RALYL: variants seen among roughly 807,000 people sequenced by gnomAD.
RALYL encodes the protein RALY RNA binding protein like, also known as RNA-binding Raly-like protein.
RALYL carries 29 observed loss-of-function variants against 35.1 expected under a neutral mutation model. The observed-to-expected ratio is 0.83, with a 90% CI of 0.61 to 1.13. The LOEUF is 1.13. Among genes scored for constraint, RALYL ranks in the 50% most tolerant of loss-of-function variants. The probability of loss-of-function intolerance (pLI) is 0.00; values close to 1 mark genes in which losing one functional copy is unlikely to be tolerated. For missense variants in RALYL, 359 were observed against 360.4 expected, an observed-to-expected ratio of 1.00 and a Z score of 0.03; for synonymous variants, 120 against 127.6, an observed-to-expected ratio of 0.94 and a Z score of 0.40.
At chr8:84,445,612 T>A (rs1052447908) in intron 1 of RALYL, among the ~76,000 whole-genome samples, 32 of 151,798 alleles carry the variant, frequency 2.1e-4, no homozygotes, top group Non-Finnish European at 2.9e-4. Flanking sequence ...AAAAGAATGG[T>A]TAATACTGAT....
intron 1 of RALYL, among the ~76,000 whole-genome samples, chr8:84,189,446 C>A (rs532573130): frequency 7.9e-5 from 12 of 152,040 alleles, no homozygotes; most frequent in African/African-American, 2.9e-4. Flanking sequence ...TGAGTCATTT[C>A]GGAAATTATT....
At chr8:84,429,187 A>G (rs1428422889) in intron 1 of RALYL, among the ~76,000 whole-genome samples, 1 of 152,178 alleles carries the variant, frequency 6.6e-6, no homozygotes, top group Non-Finnish European at 1.5e-5. Context: ...ATGGTGTTGG[A>G]ATGGTAATTG....
At chr8:84,539,854 G>GTA (rs1294869865) in intron 2 of RALYL, among the ~76,000 whole-genome samples, 290 of 24,190 alleles carry the variant, frequency 0.012, 3 homozygotes, top group Middle Eastern at 0.033. Flanking sequence ...ATATATATAT[G>GTA]TATATATATA....
chr8:84,326,961 A>T (rs970729205), intron 1 of RALYL, among the ~76,000 whole-genome samples: 1 of 152,166 alleles, frequency 6.6e-6, no homozygotes, highest in Non-Finnish European at 1.5e-5. Context: ...TTAATGGAGA[A>T]TGGGGGGCAA....
chr8:84,896,580 T>C (rs1399765373), intron 8 of RALYL, among the ~76,000 whole-genome samples: 1 of 152,122 alleles, frequency 6.6e-6, no homozygotes, highest in African/African-American at 2.4e-5. Flanking sequence ...CCCTGCTACC[T>C]CTCTGATCTG....
intron 3 of RALYL, among the ~76,000 whole-genome samples, chr8:84,801,829 T>C (rs750812352): frequency 2.6e-4 from 39 of 152,142 alleles, no homozygotes; most frequent in Non-Finnish European, 4.9e-4. Context: ...TTATGATTAA[T>C]GAAATCAAGA....
At position 84,671,354 on chromosome 8, in the gene RALYL, G is replaced by A. The variant is rs572965867; in HGVS notation, c.257-103225G>A. ...CTGTTGGTGGATCTACCATTCTGGG[G>A]TCTGGAGGATGGGGGCCCTCTTCTT... On this transcript the variant is annotated intron_variant, in intron 2 of 8. Coordinates refer to ENST00000521268, the MANE Select transcript of RALYL (RefSeq NM_173848.7). Among the ~76,000 whole-genome samples, 223 of 152,260 alleles carry A rather than the reference G, an allele frequency of 1.5e-3. 1 individual carries two copies. The highest frequency in any genetic ancestry group is 3.9e-3 in the South Asian group (19 of 4,828).
intron 2 of RALYL, among the ~76,000 whole-genome samples, chr8:84,540,282 A>C (rs2059934598): frequency 6.7e-6 from 1 of 150,068 alleles, no homozygotes; most frequent in Non-Finnish European, 1.5e-5. Flanking sequence ...GAAACCTGTT[A>C]ATATTTTGTT....
At chr8:84,398,738 C>A (rs1231537739) in intron 1 of RALYL, among the ~76,000 whole-genome samples, 1 of 152,142 alleles carries the variant, frequency 6.6e-6, no homozygotes, top group East Asian at 1.9e-4. Flanking sequence ...CTTTGGAAGG[C>A]CAAAGCGGGT....
At chr8:84,239,846 C>T (rs974389776) in intron 1 of RALYL, among the ~76,000 whole-genome samples, 8 of 151,954 alleles carry the variant, frequency 5.3e-5, no homozygotes, top group Non-Finnish European at 8.8e-5. Flanking sequence ...AAGCCGAGAT[C>T]GCGCCACTGC....
chr8:84,891,493 A>G (rs1455239288), intron 8 of RALYL, among the ~76,000 whole-genome samples: 1 of 152,152 alleles, frequency 6.6e-6, no homozygotes, highest in Admixed American at 6.5e-5. Context: ...AATCCAAACC[A>G]TGGTATCTGG....
intron 2 of RALYL, among the ~76,000 whole-genome samples, chr8:84,740,860 T>C (rs896507332): frequency 1.3e-5 from 2 of 151,992 alleles, no homozygotes; most frequent in African/African-American, 4.8e-5. Context: ...GAAAAGTCCC[T>C]GGGAATAGGT....
intron 1 of RALYL, among the ~76,000 whole-genome samples, chr8:84,436,284 C>G (rs1031265124): frequency 3.3e-5 from 5 of 152,086 alleles, no homozygotes; most frequent in African/African-American, 4.8e-5. Flanking sequence ...ATTTGCTTCT[C>G]AGTAGAAACC....
intron 1 of RALYL, among the ~76,000 whole-genome samples, chr8:84,297,342 T>G (rs1839949310): frequency 6.6e-6 from 1 of 152,134 alleles, no homozygotes; most frequent in Non-Finnish European, 1.5e-5. Context: ...TCACTTAAGA[T>G]AATGGCCTCC....
At chr8:84,402,633 A>G (rs1425886177) in intron 1 of RALYL, among the ~76,000 whole-genome samples, 1 of 152,050 alleles carries the variant, frequency 6.6e-6, no homozygotes, top group African/African-American at 2.4e-5. Flanking sequence ...GAAATAGAAA[A>G]TCCTTGACTC....
At chr8:84,687,791 A>G (rs187177164) in intron 2 of RALYL, among the ~76,000 whole-genome samples, 8 of 152,144 alleles carry the variant, frequency 5.3e-5, no homozygotes, top group East Asian at 1.9e-4. Context: ...CTCTCACTAC[A>G]TCTTGAAGAC....
At chr8:84,427,553 C>A (rs750433972) in intron 1 of RALYL, among the ~76,000 whole-genome samples, 1 of 152,046 alleles carries the variant, frequency 6.6e-6, no homozygotes, top group African/African-American at 2.4e-5. Context: ...TAAAAAAAAA[C>A]CTTTCAAGAT....
At position 84,226,911 on chromosome 8, in the gene RALYL, C is replaced by A. The variant is rs1824019194; in HGVS notation, c.-24+42487C>A. 2.0e-5 allele frequency among the ~76,000 whole-genome samples: 3 copies of A among 151,920 alleles called. No individual in the cohort carries two copies. The South Asian group carries it at 6.2e-4, about 32-fold the overall frequency. ...ATCAATATCTGTTAGTTGATCTCAG[C>A]TGATGTGTTATTAGTGAATTAATGG... On this transcript the variant is annotated intron_variant, in intron 1 of 8. Coordinates refer to ENST00000521268, the MANE Select transcript of RALYL (RefSeq NM_173848.7).
rs185219452 is a variant in RALYL, at chr8:84,832,457, G to A, written c.366-17523G>A. Reference sequence around the variant, plus strand: ...ATCTAAAGCTGTAGATTTTTCTGAGGCAAGTATTCACTGTGTCTCACAGGT... The same window carrying A: ...ATCTAAAGCTGTAGATTTTTCTGAGACAAGTATTCACTGTGTCTCACAGGT... On this transcript the variant is annotated intron_variant, in intron 4 of 8. Transcript: ENST00000521268. Among the ~76,000 whole-genome samples the A allele has an allele frequency of 3.0e-3, 452 of 152,066 alleles. 3 individuals are homozygous for A. Among genetic ancestry groups the A allele is most frequent in the African/African-American group, 0.01 (429 of 41,490 alleles).
Sources: allele counts gnomAD v4.1 joint callset (sites outside exome capture counted in the v4.1 genomes callset), GRCh38; gene constraint gnomAD v4.1.1; transcripts MANE v1.5; gene names NCBI Gene and HGNC (gene_info 2026-07-23, HGNC 2026-07-21).